The following MAST4 variants were observed in gnomAD, a reference collection of about 807,000 sequenced individuals.
The protein encoded by MAST4 is microtubule associated serine/threonine kinase family member 4.
Under a neutral mutation model 162.7 loss-of-function variants are expected in MAST4, and 89 were observed. The observed-to-expected ratio is 0.55, with a 90% CI of 0.46 to 0.65. MAST4 has a LOEUF of 0.65. Ranked by LOEUF, MAST4 falls within the 30% of genes least tolerant of loss-of-function variation. MAST4 has a pLI of 0.00. For synonymous variants in MAST4, 1,479 were observed against 1,361.1 expected (o/e 1.09, Z -1.91); for missense variants, 3,153 against 3,374.0 (o/e 0.93, Z 1.62).
At chr5:66,759,899 ATTTCTT>A (rs764566108) in intron 2 of MAST4, 37 bp downstream of exon 2, 16 of 1,610,754 alleles carry the variant, frequency 9.9e-6, no homozygotes, top group African/African-American at 2.7e-5. Flanking sequence ...AAGGAATTGC[ATTTCTT>A]TACAAGGTCC....
intron 3 of MAST4, among the ~76,000 whole-genome samples, chr5:66,883,421 T>C (rs986467877): frequency 1.7e-3 from 112 of 64,088 alleles, no homozygotes; most frequent in Middle Eastern, 7.2e-3. Flanking sequence ...GTTCTGTCAC[T>C]GTTTTTTTTT....
chr5:66,772,921 C>A lies in MAST4; in HGVS notation c.517+13059C>A, dbSNP rs562897120. Reference sequence around the variant, plus strand: ...AAATGGGTTTTCTTCATTTTCTAGTCACTGCACCCTCCCTTGAACCCCTGT... The same window carrying A: ...AAATGGGTTTTCTTCATTTTCTAGTAACTGCACCCTCCCTTGAACCCCTGT... On this transcript the variant is annotated intron_variant, in intron 2 of 28. Coordinates refer to ENST00000403625, the MANE Select transcript of MAST4 (RefSeq NM_001164664.2). Among the ~76,000 whole-genome samples the A allele has an allele frequency of 2.6e-5, 4 of 152,240 alleles. No homozygotes were observed. In the East Asian group the frequency reaches 7.7e-4, roughly 29 times the overall value.
chr5:66,904,420 T>C (rs154620), intron 4 of MAST4, among the ~76,000 whole-genome samples: 47,865 of 152,092 alleles, frequency 0.31, 9,264 homozygotes, highest in Non-Finnish European at 0.45. Context: ...TGTTTTTAAG[T>C]GGTATTTCAG....
chr5:66,597,660 C>G (rs1439678218), intron 1 of MAST4, among the ~76,000 whole-genome samples: 1 of 152,162 alleles, frequency 6.6e-6, no homozygotes, highest in African/African-American at 2.4e-5. Context: ...TCCAGATGAA[C>G]GCTTGTCACC....
intron 1 of MAST4, among the ~76,000 whole-genome samples, chr5:66,609,386 G>A (rs1308228698): frequency 1.6e-5 from 2 of 126,118 alleles, no homozygotes; most frequent in South Asian, 2.5e-4. Context: ...TTGTACCAAT[G>A]CACTACTTTT....
At chr5:66,876,803 A>G (rs1379696662) in intron 3 of MAST4, among the ~76,000 whole-genome samples, 1 of 152,196 alleles carries the variant, frequency 6.6e-6, no homozygotes, top group East Asian at 1.9e-4. Context: ...TTTTGTGGGC[A>G]TTGACAGTTG....
rs57743987 is a variant in MAST4, at chr5:66,789,988, ATTTTTTTTTTTTTTT to A, written c.642+1210_642+1224del. 1.5e-4 allele frequency among the ~76,000 whole-genome samples: 8 copies of A among 52,472 alleles called. No individual in the cohort carries two copies. In the South Asian group the frequency reaches 2.3e-3, roughly 15 times the overall value. 34.4% of individuals were successfully genotyped at this position (52,472 alleles called of 152,430 possible). The stretch of plus-strand genomic sequence containing the variant: ...CTTTATGTTTAACATGCTTATTAGA[ATTTTTTTTTTTTTTT>A]TTTTTTTTTTTTTTTGCTGGTGGGC... On this transcript the variant is annotated intron_variant, in intron 3 of 28. Transcript: ENST00000403625.
chr5:66,953,864 T>C (rs924240110), intron 4 of MAST4, among the ~76,000 whole-genome samples: 4 of 152,194 alleles, frequency 2.6e-5, no homozygotes, highest in African/African-American at 9.7e-5. Flanking sequence ...CCCTGGCCTC[T>C]ACTCACTATA....
At chr5:66,631,607 A>C (rs1183117136) in intron 1 of MAST4, among the ~76,000 whole-genome samples, 1 of 152,082 alleles carries the variant, frequency 6.6e-6, no homozygotes, top group Non-Finnish European at 1.5e-5. Context: ...AAGCTCCCCA[A>C]CAACACCCCC....
chr5:66,706,608 A>ATTTTTTT (rs11294899), intron 1 of MAST4, among the ~76,000 whole-genome samples: 1 of 149,184 alleles, frequency 6.7e-6, no homozygotes, highest in Non-Finnish European at 1.5e-5. Flanking sequence ...AGAAATAGTA[A>ATTTTTTT]TTTTTTTTTT....
chr5:66,767,170 CGTGTGTGTGTGTGTGTGTGTGTGTGT>C (rs60766673), intron 2 of MAST4, among the ~76,000 whole-genome samples: 2 of 139,482 alleles, frequency 1.4e-5, no homozygotes, highest in Non-Finnish European at 3.1e-5. Flanking sequence ...GTAAAGTGCA[CGTGTGTGTGTGTGTGTGTGTGTGTGT>C]GTGTGTGTGT....
chr5:66,835,333 T>C (rs1757890332), intron 3 of MAST4, among the ~76,000 whole-genome samples: 1 of 152,200 alleles, frequency 6.6e-6, no homozygotes, highest in Non-Finnish European at 1.5e-5. Flanking sequence ...CCTGTGTCTT[T>C]CCATTCTTGC....
chr5:66,681,303 A>G (rs140934768), intron 1 of MAST4, among the ~76,000 whole-genome samples: 5 of 152,332 alleles, frequency 3.3e-5, no homozygotes, highest in African/African-American at 1.2e-4. Context: ...AGCACTTATA[A>G]GTCACAAAGT....
At chr5:66,964,356 C>T (rs980337000) in intron 4 of MAST4, among the ~76,000 whole-genome samples, 3 of 152,088 alleles carry the variant, frequency 2.0e-5, no homozygotes, top group African/African-American at 4.8e-5. Context: ...TAAGAATACA[C>T]GATAGAAAAT....
chr5:67,165,832 G>A lies in MAST4; in HGVS notation c.6653G>A (p.Ser2218Asn), dbSNP rs1773863962. 4 of 1,612,892 alleles carry A rather than the reference G, an allele frequency of 2.5e-6. No individual in the cohort carries two copies. The highest frequency in any genetic ancestry group is 2.5e-6 in the Non-Finnish European group (3 of 1,179,846). Residue 2218 changes from serine to asparagine, a missense_variant, in exon 29 of 29, where the codon AGT becomes AAT. This residue lies in a region of MAST4 where 1,644 missense variants were observed against 1,495.0 expected (regional missense o/e 1.10). Transcript: ENST00000403625. ...CGGTCCCTCTCCTCTCAGAAACCAA[G>A]TGTCGGGGCCACAAAGGGCAAAGAG... The part of the protein sequence containing the change: ...PDRSLSSQKP[S>N]VGATKGKEPA...
At chr5:67,094,950 A>C (rs1222764469) in intron 6 of MAST4, among the ~76,000 whole-genome samples, 1 of 152,166 alleles carries the variant, frequency 6.6e-6, no homozygotes, top group Non-Finnish European at 1.5e-5. Flanking sequence ...GCTGGGCTGC[A>C]TGCTCAAAGA....
chr5:66,729,987 C>A (rs1280574657), intron 1 of MAST4, among the ~76,000 whole-genome samples: 1 of 152,082 alleles, frequency 6.6e-6, no homozygotes, highest in Non-Finnish European at 1.5e-5. Context: ...GTTCTTTGAA[C>A]CTAGGGTTGT....
rs1458089453 is a variant in MAST4, at chr5:67,167,061, C to T, written c.*10C>T. The T allele has an allele frequency of 3.2e-6, 5 of 1,567,380 alleles. No individual in the cohort carries two copies. The highest frequency in any genetic ancestry group is 1.8e-5 in the Admixed American group (1 of 55,188). On this transcript the variant is annotated 3_prime_UTR_variant, in exon 29 of 29. Transcript: ENST00000403625. ...CAAAAAGGCCTTGTAACGGGGAGGG[C>T]CCAGGGGCAGGACTGTGGAGACCCG...
At chr5:66,645,253 T>C (rs1745754400) in intron 1 of MAST4, among the ~76,000 whole-genome samples, 1 of 152,220 alleles carries the variant, frequency 6.6e-6, no homozygotes, top group Non-Finnish European at 1.5e-5. Context: ...TCTGAGTCAT[T>C]GGACAACTCT....
Sources: allele counts gnomAD v4.1 joint callset (sites outside exome capture counted in the v4.1 genomes callset), GRCh38; gene constraint gnomAD v4.1.1; regional missense constraint gnomAD v4.1.1; transcripts MANE v1.5; gene names NCBI Gene and HGNC (gene_info 2026-07-23, HGNC 2026-07-21).